Variants in ZNF536 observed in about 807,000 individuals in gnomAD.
ZNF536 encodes zinc finger protein 536.
ZNF536 carries 13 observed loss-of-function variants against 84.5 expected under a neutral mutation model. The observed-to-expected ratio is 0.15, with a 90% CI of 0.10 to 0.24. The LOEUF is 0.24. Among genes scored for constraint, ZNF536 ranks in the 10% least tolerant of loss-of-function variants. ZNF536 has a pLI of 1.00. For missense variants in ZNF536, 1,536 were observed against 1,747.5 expected, an observed-to-expected ratio of 0.88 and a Z score of 2.16; for synonymous variants, 811 against 742.5, an observed-to-expected ratio of 1.09 and a Z score of -1.50.
chr19:30,361,718 G>T (rs1380368900), intron 3 of ZNF536, among the ~76,000 whole-genome samples: 1 of 151,878 alleles, frequency 6.6e-6, no homozygotes, highest in African/African-American at 2.4e-5. Context: ...TGGGGACCAG[G>T]TGGGTGGTGG....
chr19:30,412,042 GT>G (rs201056147), intron 1 of ZNF536, among the ~76,000 whole-genome samples: 2 of 147,578 alleles, frequency 1.4e-5, no homozygotes, highest in African/African-American at 2.6e-5. Context: ...ACTTACAATT[GT>G]TTTTTTTTAT....
chr19:30,652,060 G>C (rs1301030886), intron 1 of ZNF536, among the ~76,000 whole-genome samples: 3 of 152,136 alleles, frequency 2.0e-5, no homozygotes, highest in African/African-American at 7.2e-5. Context: ...ACCAAGGCCA[G>C]GCCAGAGGAT....
At chr19:30,335,054 C>T (rs879651178) in intron 2 of ZNF536, among the ~76,000 whole-genome samples, 5 of 152,262 alleles carry the variant, frequency 3.3e-5, no homozygotes, top group Non-Finnish European at 5.9e-5. Flanking sequence ...GGGTTGGGGG[C>T]CCCTGCTTTA....
At chr19:30,687,133 C>T (rs529567083) in intron 1 of ZNF536, among the ~76,000 whole-genome samples, 7 of 152,186 alleles carry the variant, frequency 4.6e-5, no homozygotes, top group South Asian at 2.1e-4. Flanking sequence ...GGCTTCAGCC[C>T]GGCCGGGCAG....
intron 2 of ZNF536, among the ~76,000 whole-genome samples, chr19:30,460,511 G>T (rs1049550550): frequency 1.3e-5 from 2 of 152,168 alleles, no homozygotes; most frequent in Non-Finnish European, 2.9e-5. Context: ...CCATCACAGA[G>T]ATATGACTGT....
At chr19:30,371,941 G>T (rs1264297921), upstream of ZNF536, among the ~76,000 whole-genome samples, 1 of 151,906 alleles carries the variant, frequency 6.6e-6, no homozygotes, top group Admixed American at 6.6e-5. Flanking sequence ...ACTAGAATCC[G>T]CTGCTTGTTT....
chr19:30,509,469 A>G (rs1027246992), intron 2 of ZNF536, among the ~76,000 whole-genome samples: 1 of 148,254 alleles, frequency 6.7e-6, no homozygotes, highest in African/African-American at 2.4e-5. Context: ...TAATATCTGT[A>G]TAATTTATGT....
intron 2 of ZNF536, among the ~76,000 whole-genome samples, chr19:30,514,130 A>G (rs2145581262): frequency 6.6e-6 from 1 of 152,302 alleles, no homozygotes; most frequent in South Asian, 2.1e-4. Context: ...AGATTGTGCC[A>G]AATGGCGTAT....
intron 2 of ZNF536, among the ~76,000 whole-genome samples, chr19:30,324,941 C>T (rs924850557): frequency 1.2e-4 from 18 of 152,178 alleles, no homozygotes; most frequent in East Asian, 1.9e-4. Flanking sequence ...CCTTCTAAAC[C>T]GTTTGTTGTA....
chr19:30,519,555 C>T (rs931119929), intron 2 of ZNF536, among the ~76,000 whole-genome samples: 14 of 152,222 alleles, frequency 9.2e-5, no homozygotes, highest in Admixed American at 2.6e-4. Context: ...AGATTCCCCA[C>T]GTCCAGCTTT....
chr19:30,503,068 A>G (rs562324247), intron 2 of ZNF536, among the ~76,000 whole-genome samples: 84 of 152,338 alleles, frequency 5.5e-4, no homozygotes, highest in Admixed American at 9.2e-4. Flanking sequence ...TTCATTTAAC[A>G]CAGTACTGGC....
chr19:30,370,307 G>C (rs1474314129), upstream of ZNF536, among the ~76,000 whole-genome samples: 1 of 152,108 alleles, frequency 6.6e-6, no homozygotes. Flanking sequence ...CGTCTGTGCT[G>C]GGGTATTACG....
chr19:30,486,903 G>T (rs1423788096), intron 2 of ZNF536, among the ~76,000 whole-genome samples: 1 of 152,144 alleles, frequency 6.6e-6, no homozygotes, highest in African/African-American at 2.4e-5. Context: ...ACCTAAGGAG[G>T]GAATAAAACT....
chr19:30,438,644 C>G (rs1443791284), intron 1 of ZNF536, among the ~76,000 whole-genome samples: 1 of 152,122 alleles, frequency 6.6e-6, no homozygotes, highest in African/African-American at 2.4e-5. Context: ...TCCAGCAGGT[C>G]TTTTATTTGA....
intron 2 of ZNF536, among the ~76,000 whole-genome samples, chr19:30,532,497 T>G (rs985201651): frequency 8.5e-5 from 13 of 152,208 alleles, no homozygotes; most frequent in African/African-American, 3.1e-4. Context: ...CAGGACACCT[T>G]AGTCCTGCTT....
chr19:30,233,931 C>T (rs1475851188), intron 1 of ZNF536, among the ~76,000 whole-genome samples: 1 of 152,168 alleles, frequency 6.6e-6, no homozygotes, highest in East Asian at 1.9e-4. Flanking sequence ...TCTCAAAGCT[C>T]ATCCACCACA....
chr19:30,457,066 A>G (rs967133494), intron 2 of ZNF536, among the ~76,000 whole-genome samples: 1 of 151,902 alleles, frequency 6.6e-6, no homozygotes, highest in Non-Finnish European at 1.5e-5. Flanking sequence ...ACAAAAAAAA[A>G]GATGAATAGA....
downstream of ZNF536, among the ~76,000 whole-genome samples, chr19:30,560,739 A>G (rs1237633646): frequency 6.6e-6 from 1 of 152,192 alleles, no homozygotes; most frequent in East Asian, 1.9e-4. Flanking sequence ...CTTTGATGAG[A>G]TTGTAGATAT....
At chr19:30,671,295 G>A (rs377551745) in intron 1 of ZNF536, among the ~76,000 whole-genome samples, 2 of 152,228 alleles carry the variant, frequency 1.3e-5, no homozygotes, top group Non-Finnish European at 2.9e-5. Context: ...TTAGGTGCCC[G>A]TGACATAGTT....
Sources: gnomAD v4.1 joint callset for allele counts (sites outside exome capture counted in the v4.1 genomes callset) on GRCh38, gnomAD v4.1.1 for gene constraint, MANE v1.5 for transcripts, NCBI Gene and HGNC (gene_info 2026-07-23, HGNC 2026-07-21) for gene names.